Variants in MARCO observed in about 807,000 individuals in gnomAD.
MARCO encodes macrophage receptor MARCO.
In MARCO, 72 loss-of-function variants were observed where a neutral mutation model predicts 70.0. The observed-to-expected ratio is 1.03, with a 90% CI of 0.85 to 1.25. The LOEUF is 1.25. Ranked by LOEUF, MARCO falls within the 50% of genes most tolerant of loss-of-function variation. MARCO has a pLI of 0.00. For synonymous variants in MARCO, 273 were observed against 243.1 expected (o/e 1.12, Z -1.14); for missense variants, 696 against 659.3 (o/e 1.06, Z -0.61).
At chr2:118,969,987 T>C in intron 2 of MARCO, 127 bp from the exon 3 acceptor site, 1 of 810,180 alleles carries the variant, frequency 1.2e-6, no homozygotes, top group Non-Finnish European at 2.1e-6. Flanking sequence ...CGCTAGGTCC[T>C]GACAGCACAT....
chr2:118,994,249 A>T, intron 16 of MARCO, 138 bp from the exon 17 acceptor site: 4 of 880,260 alleles, frequency 4.5e-6, no homozygotes, highest in African/African-American at 1.6e-5. Flanking sequence ...CCATCAGCAC[A>T]TTGGGCCGGA....
intron 1 of MARCO, among the ~76,000 whole-genome samples, chr2:118,953,507 T>C (rs969256849): frequency 6.6e-6 from 1 of 152,228 alleles, no homozygotes; most frequent in African/African-American, 2.4e-5. Flanking sequence ...CTTCCAACTA[T>C]GTGAATTTAT....
chr2:118,968,452 A>G (rs1680097445), intron 1 of MARCO, among the ~76,000 whole-genome samples: 1 of 152,198 alleles, frequency 6.6e-6, no homozygotes, highest in African/African-American at 2.4e-5. Flanking sequence ...TATCATTTGT[A>G]AGATTAAAAG....
chr2:118,944,958 C>A (rs2104541300), intron 1 of MARCO: 1 of 152,120 alleles, frequency 6.6e-6, no homozygotes, highest in South Asian at 2.1e-4. Flanking sequence ...TTTATTCTAG[C>A]TTTTTAGGAG....
At chr2:118,993,660 G>A (rs1442717473) in intron 16 of MARCO, among the ~76,000 whole-genome samples, 1 of 152,200 alleles carries the variant, frequency 6.6e-6, no homozygotes, top group African/African-American at 2.4e-5. Flanking sequence ...TTCAGGGCAG[G>A]CAAACGCAGA....
chr2:118,982,424 C>T lies in MARCO; in HGVS notation c.1063+14C>T. The T allele has an allele frequency of 1.9e-6, 3 of 1,613,090 alleles. No individual in the cohort carries two copies. The highest frequency in any genetic ancestry group is 1.1e-5 in the South Asian group (1 of 91,042). On this transcript the variant is annotated intron_variant, in intron 12 of 16. Transcript: ENST00000327097. ...AAGGGGACACAGGTAACAGAGGGTG[C>T]AGTGGGTGAGTAGGTGGGCTTGCTG...
At chr2:118,992,001 T>C in intron 14 of MARCO, 126 bp downstream of exon 14, 1 of 729,628 alleles carries the variant, frequency 1.4e-6, no homozygotes. Flanking sequence ...AGGGTAGAGG[T>C]TTATTTCCTT....
At chr2:118,985,997 A>G (rs1205875138) in intron 12 of MARCO, among the ~76,000 whole-genome samples, 2 of 152,204 alleles carry the variant, frequency 1.3e-5, no homozygotes, top group Non-Finnish European at 2.9e-5. Context: ...AAGATCATCC[A>G]TAATAGCAAT....
chr2:118,961,133 C>G (rs1010983710), intron 1 of MARCO, among the ~76,000 whole-genome samples: 1 of 152,140 alleles, frequency 6.6e-6, no homozygotes, highest in Non-Finnish European at 1.5e-5. Context: ...TTTATCCAGT[C>G]TATCATTGAT....
intron 1 of MARCO, among the ~76,000 whole-genome samples, chr2:118,959,072 C>T (rs1679890788): frequency 6.6e-6 from 1 of 152,134 alleles, no homozygotes; most frequent in Non-Finnish European, 1.5e-5. Context: ...TAGACATTGG[C>T]TTAAGCAAAG....
chr2:118,966,254 G>A (rs1009840211), intron 1 of MARCO, among the ~76,000 whole-genome samples: 2 of 152,140 alleles, frequency 1.3e-5, no homozygotes, highest in Non-Finnish European at 2.9e-5. Context: ...TCAAATTTCT[G>A]AAACCTGCTT....
chr2:118,945,404 CTTTTTTT>C (rs55684033), intron 1 of MARCO, among the ~76,000 whole-genome samples: 1 of 123,066 alleles, frequency 8.1e-6, no homozygotes, highest in Non-Finnish European at 1.7e-5. Context: ...CCTCTTGTTT[CTTTTTTT>C]TTTTTTTTTT....
chr2:118,993,103 C>T lies in MARCO; in HGVS notation c.1253-21C>T, dbSNP rs371441420. 10 of 1,613,054 alleles carry T rather than the reference C, an allele frequency of 6.2e-6. No individual in the cohort carries two copies. The African/African-American group carries it at 1.3e-4, about 22-fold the overall frequency. On this transcript the variant is annotated intron_variant, in intron 15 of 16. Coordinates refer to ENST00000327097, the MANE Select transcript of MARCO (RefSeq NM_006770.4). ...CCCAAGGGGCCTTCCTTGCCTCTCC[C>T]ATGTGTGTTTCTTCACCCAGGTGAA...
At chr2:118,971,463 A>G in intron 3 of MARCO, 36 bp from the exon 4 acceptor site, 1 of 1,612,264 alleles carries the variant, frequency 6.2e-7, no homozygotes, top group Non-Finnish European at 8.5e-7. Flanking sequence ...AGGGTACCCC[A>G]CAGCTCAGCT....
At chr2:118,957,314 A>G (rs1679855757) in intron 1 of MARCO, among the ~76,000 whole-genome samples, 1 of 152,142 alleles carries the variant, frequency 6.6e-6, no homozygotes, top group African/African-American at 2.4e-5. Flanking sequence ...ATTACAACTG[A>G]CACCATTGAA....
intron 4 of MARCO, among the ~76,000 whole-genome samples, chr2:118,973,010 T>C (rs1050428016): frequency 6.6e-6 from 1 of 152,178 alleles, no homozygotes; most frequent in East Asian, 1.9e-4. Flanking sequence ...TCTCTCTCCA[T>C]GTCTCTCTCT....
intron 1 of MARCO, among the ~76,000 whole-genome samples, chr2:118,947,702 TC>T (rs1186106701): frequency 1.3e-5 from 2 of 152,356 alleles, no homozygotes; most frequent in Non-Finnish European, 1.5e-5. Context: ...TATGTGACTA[TC>T]CCTCTACCAA....
intron 7 of MARCO, 135 bp from the exon 8 acceptor site, chr2:118,977,693 G>A: frequency 5.1e-6 from 4 of 788,304 alleles, no homozygotes; most frequent in Non-Finnish European, 8.1e-6. Context: ...CCCAAGAAAT[G>A]AGCTAGCACA....
chr2:118,957,660 A>G (rs1255090243), intron 1 of MARCO, among the ~76,000 whole-genome samples: 2 of 152,114 alleles, frequency 1.3e-5, no homozygotes, highest in Non-Finnish European at 2.9e-5. Context: ...TCATTCTATG[A>G]AGCCTTCATT....
Sources: gnomAD v4.1 joint callset for allele counts (sites outside exome capture counted in the v4.1 genomes callset) on GRCh38, gnomAD v4.1.1 for gene constraint, MANE v1.5 for transcripts, NCBI Gene and HGNC (gene_info 2026-07-23, HGNC 2026-07-21) for gene names.